The following NEDD4 variants were observed in gnomAD, a reference collection of about 807,000 sequenced individuals.
The protein encoded by NEDD4 is E3 ubiquitin-protein ligase NEDD4.
Under a neutral mutation model 144.9 loss-of-function variants are expected in NEDD4, and 99 were observed. The observed-to-expected ratio is 0.68, with a 90% CI of 0.58 to 0.81. NEDD4 has a LOEUF of 0.81. NEDD4 is among the 30% of genes least tolerant of loss of function. The pLI is 0.00. For missense variants in NEDD4, 985 were observed against 1,065.9 expected, an observed-to-expected ratio of 0.92 and a Z score of 1.06; for synonymous variants, 318 against 350.6, an observed-to-expected ratio of 0.91 and a Z score of 1.04.
intron 1 of NEDD4, among the ~76,000 whole-genome samples, chr15:55,981,845 A>G (rs758740674): frequency 6.6e-6 from 1 of 152,226 alleles, no homozygotes; most frequent in African/African-American, 2.4e-5. Context: ...ACAGGTACAG[A>G]ACATGGGGGT....
At chr15:55,914,387 A>G (rs1179518172) in intron 5 of NEDD4, among the ~76,000 whole-genome samples, 1 of 151,906 alleles carries the variant, frequency 6.6e-6, no homozygotes, top group Non-Finnish European at 1.5e-5. Flanking sequence ...TTTCAGTTCA[A>G]ACCATTTTAA....
chr15:55,889,838 T>A (rs1467733013), intron 5 of NEDD4, among the ~76,000 whole-genome samples: 1 of 152,050 alleles, frequency 6.6e-6, no homozygotes, highest in Non-Finnish European at 1.5e-5. Context: ...GTAGCTAGAA[T>A]TACAGGCATG....
At chr15:55,978,155 C>A (rs1488487997) in intron 1 of NEDD4, among the ~76,000 whole-genome samples, 1 of 152,110 alleles carries the variant, frequency 6.6e-6, no homozygotes, top group African/African-American at 2.4e-5. Context: ...TGAAACACTC[C>A]CCAGCCTCCT....
At chr15:55,961,159 G>C (rs2037419572) in intron 2 of NEDD4, among the ~76,000 whole-genome samples, 1 of 152,108 alleles carries the variant, frequency 6.6e-6, no homozygotes, top group Non-Finnish European at 1.5e-5. Context: ...GGGACATCTG[G>C]TCATAGGTCA....
At chr15:55,847,818 A>C (rs2033811491) in intron 17 of NEDD4, among the ~76,000 whole-genome samples, 1 of 151,912 alleles carries the variant, frequency 6.6e-6, no homozygotes, top group Non-Finnish European at 1.5e-5. Flanking sequence ...CTGGGACTAC[A>C]GGTACCTGCC....
chr15:55,966,541 AT>A lies in NEDD4; in HGVS notation c.50del (p.Asn17IlefsTer5). The A allele has an allele frequency of 6.6e-7, 1 of 1,514,288 alleles. No individual in the cohort carries two copies. The highest frequency in any genetic ancestry group is 8.8e-7 in the Non-Finnish European group (1 of 1,131,484). 93.8% of individuals were successfully genotyped at this position (1,514,288 alleles called of 1,614,324 possible). A position where few individuals can be genotyped will look rare whatever the true frequency, so the allele number is the denominator to read the frequency against. ...TAACTCTTACTCTCACAATTCGTGA[AT>A]TTTCCTAAAATACAAAAATTTAGAT... ...EVFGLLEDEE[N>X]SRIVRVRVIA... is the part of the protein sequence containing the mutation. On this transcript the variant is annotated frameshift_variant, in exon 2 of 29. Transcript: ENST00000435532. LOFTEE classifies it high-confidence loss of function.
chr15:55,981,707 G>A (rs1236557864), intron 1 of NEDD4, among the ~76,000 whole-genome samples: 2 of 152,174 alleles, frequency 1.3e-5, no homozygotes, highest in Non-Finnish European at 2.9e-5. Context: ...CTAGCAGTAT[G>A]AACATCACAT....
At chr15:55,993,486 C>G in intron 1 of NEDD4, 25 bp downstream of exon 1, 1 of 1,593,730 alleles carries the variant, frequency 6.3e-7, no homozygotes, top group South Asian at 1.1e-5. Context: ...GGGAAGCCCG[C>G]CCCGCAGCCC....
chr15:55,875,096 TA>T (rs201653409), intron 5 of NEDD4, among the ~76,000 whole-genome samples: 39 of 127,462 alleles, frequency 3.1e-4, no homozygotes, highest in South Asian at 5.0e-4. Flanking sequence ...TGCAAAGAAA[TA>T]AAAAAAAAAA....
chr15:55,871,386 A>G (rs1414330272), intron 7 of NEDD4, among the ~76,000 whole-genome samples: 1 of 152,248 alleles, frequency 6.6e-6, no homozygotes, highest in Non-Finnish European at 1.5e-5. Context: ...TACACTTGCA[A>G]TAATATTCAT....
intron 5 of NEDD4, among the ~76,000 whole-genome samples, chr15:55,885,827 C>T (rs2035364113): frequency 6.6e-6 from 1 of 151,618 alleles, no homozygotes; most frequent in Non-Finnish European, 1.5e-5. Context: ...AACAAAATGG[C>T]AGGGGTAAGT....
At chr15:55,962,182 A>G (rs1449128106) in intron 2 of NEDD4, among the ~76,000 whole-genome samples, 1 of 152,202 alleles carries the variant, frequency 6.6e-6, no homozygotes, top group Admixed American at 6.5e-5. Flanking sequence ...CCAGATACGA[A>G]TATATCCACT....
chr15:55,874,034 A>G (rs1340176872), intron 5 of NEDD4, 26 bp from the exon 6 acceptor site: 10 of 1,291,024 alleles, frequency 7.7e-6, no homozygotes, highest in Non-Finnish European at 1.1e-5. Context: ...GAAAAAATAT[A>G]ATTAGTAATA....
At chr15:55,958,325 G>T (rs1257243723) in intron 2 of NEDD4, among the ~76,000 whole-genome samples, 1 of 152,078 alleles carries the variant, frequency 6.6e-6, no homozygotes, top group Non-Finnish European at 1.5e-5. Context: ...ACAGTGAATT[G>T]CATTAATTAA....
chr15:55,829,921 G>C lies in NEDD4; in HGVS notation c.2679C>G (p.Thr893=). The change falls in exon 29 of 29, where the codon ACC becomes ACG. Residue 893 remains threonine (T), a synonymous_variant. Coordinates refer to ENST00000435532, the MANE Select transcript of NEDD4 (RefSeq NM_006154.4). The part of the protein sequence containing the change: ...WDKLQMAIEN[T]QGFDGVD Reference sequence around the variant, plus strand: ...TCTAATCAACTCCATCAAAGCCCTGGGTGTTTTCAATTGCCATCTGAAGTT... The same window carrying C: ...TCTAATCAACTCCATCAAAGCCCTGCGTGTTTTCAATTGCCATCTGAAGTT... 1 of 1,613,002 alleles carries C rather than the reference G, an allele frequency of 6.2e-7. No homozygotes were observed. The highest frequency in any genetic ancestry group is 8.5e-7 in the Non-Finnish European group (1 of 1,179,350).
chr15:55,903,838 A>C lies in NEDD4; in HGVS notation c.291+20808T>G, dbSNP rs575828262. ...AGACTCCATCTCAAAAAAAAAAAAA[A>C]AACACACATATATATATATATATAT... On this transcript the variant is annotated intron_variant, in intron 5 of 28. Transcript: ENST00000435532. Among the ~76,000 whole-genome samples the C allele has an allele frequency of 5.1e-4, 26 of 50,608 alleles. No individual in the cohort carries two copies. In the South Asian group the frequency reaches 0.017, roughly 34 times the overall value. The allele number at this position is 50,608 out of a possible 152,430, so 33.2% of individuals were successfully genotyped here. A position where few individuals can be genotyped will look rare whatever the true frequency, so the allele number is the denominator to read the frequency against.
chr15:55,974,579 G>A (rs1290286926), intron 1 of NEDD4, among the ~76,000 whole-genome samples: 4 of 152,140 alleles, frequency 2.6e-5, no homozygotes, highest in African/African-American at 9.7e-5. Context: ...TCGTGACCAA[G>A]TGGGATTCAT....
chr15:55,933,445 C>T lies in NEDD4; in HGVS notation c.238-8746G>A, dbSNP rs963047609. 2.7e-5 allele frequency among the ~76,000 whole-genome samples: 4 copies of T among 149,474 alleles called. No homozygotes were observed. The South Asian group carries it at 8.4e-4, about 32-fold the overall frequency. The stretch of plus-strand genomic sequence containing the variant: ...ATCACAGGGACAGAAAACCAAACAC[C>T]GCATGTTCTCACTCACAGGTGGGAA... On this transcript the variant is annotated intron_variant, in intron 4 of 28. Transcript: ENST00000435532.
chr15:55,939,115 AAC>A (rs1229572241), intron 4 of NEDD4, among the ~76,000 whole-genome samples: 5 of 59,814 alleles, frequency 8.4e-5, no homozygotes, highest in Admixed American at 2.1e-4. Context: ...CGAAAACAAC[AAC>A]AACAACAAAC....
Sources: allele counts gnomAD v4.1 joint callset (sites outside exome capture counted in the v4.1 genomes callset), GRCh38; gene constraint gnomAD v4.1.1; transcripts MANE v1.5; gene names NCBI Gene and HGNC (gene_info 2026-07-23, HGNC 2026-07-21).